Variants in TTC27 observed in about 807,000 individuals in gnomAD.
TTC27 encodes tetratricopeptide repeat domain 27.
Under a neutral mutation model 115.9 loss-of-function variants are expected in TTC27, and 79 were observed. That is an observed-to-expected ratio of 0.68 (90% CI 0.57 to 0.82). The LOEUF is 0.82. Ranked by LOEUF, TTC27 falls within the 40% of genes least tolerant of loss-of-function variation. The pLI, the probability that TTC27 is intolerant of heterozygous loss-of-function variation, is 0.00. For missense variants in TTC27, 1,054 were observed against 993.1 expected, an observed-to-expected ratio of 1.06 and a Z score of -0.82; for synonymous variants, 401 against 356.0, an observed-to-expected ratio of 1.13 and a Z score of -1.42.
chr2:32,628,891 G>A (rs1010830930), intron 1 of TTC27, among the ~76,000 whole-genome samples: 1 of 151,782 alleles, frequency 6.6e-6, no homozygotes, highest in South Asian at 2.1e-4. Flanking sequence ...CTCCAGGGTA[G>A]CTGGGATTAC....
chr2:32,764,609 T>A (rs1669561635), intron 13 of TTC27, among the ~76,000 whole-genome samples: 1 of 152,200 alleles, frequency 6.6e-6, no homozygotes, highest in Non-Finnish European at 1.5e-5. Context: ...ACAGTGAAGT[T>A]TGCTGCATAG....
intron 10 of TTC27, among the ~76,000 whole-genome samples, chr2:32,703,907 C>A (rs1667275520): frequency 1.3e-5 from 2 of 152,142 alleles, no homozygotes; most frequent in South Asian, 4.1e-4. Context: ...GCTGGAAAGT[C>A]TAAGATCAAG....
chr2:32,788,029 A>G (rs1177364975), intron 16 of TTC27, among the ~76,000 whole-genome samples: 1 of 152,168 alleles, frequency 6.6e-6, no homozygotes, highest in East Asian at 1.9e-4. Flanking sequence ...GGCACTGATG[A>G]GACTCTGAAC....
At chr2:32,805,306 A>G (rs998037968) in intron 16 of TTC27, among the ~76,000 whole-genome samples, 1 of 152,188 alleles carries the variant, frequency 6.6e-6, no homozygotes, top group African/African-American at 2.4e-5. Context: ...TATATGTAAG[A>G]GGTGTTATCT....
Position 32,673,535 on chromosome 2 carries a change from C to T in TTC27, c.1052+1151C>T, listed in dbSNP as rs942953182. ...AGCCACCACACCCGGCCACCTTATG[C>T]GTTTTTAGCTGGGATGTCAGAGAAA... On this transcript the variant is annotated intron_variant, in intron 8 of 19. Transcript: ENST00000317907. Among the ~76,000 whole-genome samples the T allele has an allele frequency of 3.9e-5, 6 of 152,158 alleles. No homozygotes were observed. In the South Asian group the frequency reaches 6.2e-4, roughly 16 times the overall value.
chr2:32,664,112 GA>G (rs1329547353), intron 5 of TTC27, among the ~76,000 whole-genome samples, 190 bp from the exon 6 acceptor site: 1 of 152,070 alleles, frequency 6.6e-6, no homozygotes, highest in Admixed American at 6.6e-5. Flanking sequence ...CTCATGTCTG[GA>G]GCATATAAGT....
chr2:32,782,856 A>G (rs1670226983), intron 15 of TTC27, among the ~76,000 whole-genome samples, 178 bp downstream of exon 15: 1 of 152,204 alleles, frequency 6.6e-6, no homozygotes. Flanking sequence ...AATTCTAAAT[A>G]TACAGTTTAT....
chr2:32,673,517 A>G (rs1666088577), intron 8 of TTC27, among the ~76,000 whole-genome samples: 1 of 152,018 alleles, frequency 6.6e-6, no homozygotes, highest in South Asian at 2.1e-4. Context: ...ATGAGCCACC[A>G]CACCCGGCCA....
intron 9 of TTC27, among the ~76,000 whole-genome samples, chr2:32,684,060 A>T (rs1572512670): frequency 2.0e-5 from 3 of 152,266 alleles, no homozygotes; most frequent in African/African-American, 7.2e-5. Context: ...CAGGAGGCTG[A>T]TGCAGGATAA....
intron 12 of TTC27, among the ~76,000 whole-genome samples, chr2:32,741,508 C>A (rs1219049552): frequency 6.6e-6 from 1 of 151,822 alleles, no homozygotes; most frequent in African/African-American, 2.4e-5. Flanking sequence ...AAAAATTAAC[C>A]GGACGTGGTG....
intron 8 of TTC27, among the ~76,000 whole-genome samples, chr2:32,674,852 T>C (rs114126890): frequency 0.01 from 1,537 of 152,084 alleles, 15 homozygotes; most frequent in Middle Eastern, 0.027. Flanking sequence ...TTGGTAGATA[T>C]GGGGTTTCAC....
At chr2:32,649,638 A>G (rs1180177457) in intron 4 of TTC27, among the ~76,000 whole-genome samples, 1 of 150,066 alleles carries the variant, frequency 6.7e-6, no homozygotes, top group Non-Finnish European at 1.5e-5. Flanking sequence ...TCTGCCTCCC[A>G]GGTTTAAGCA....
intron 1 of TTC27, among the ~76,000 whole-genome samples, chr2:32,629,771 A>G (rs2151856682): frequency 6.6e-6 from 1 of 152,298 alleles, no homozygotes; most frequent in Middle Eastern, 3.4e-3. Flanking sequence ...GTGAGCAATG[A>G]ATATTTACCA....
At chr2:32,667,414 C>CT (rs58456949) in intron 7 of TTC27, among the ~76,000 whole-genome samples, 5,076 of 127,002 alleles carry the variant, frequency 0.04, 182 homozygotes, top group East Asian at 0.065. Context: ...CCCCCAACTA[C>CT]TTTTTTTTTT....
intron 16 of TTC27, among the ~76,000 whole-genome samples, chr2:32,792,456 C>A (rs1434999306): frequency 6.6e-6 from 1 of 152,092 alleles, no homozygotes; most frequent in Non-Finnish European, 1.5e-5. Context: ...TAACCTAAAG[C>A]CCTTTCCACA....
At chr2:32,637,477 G>T (rs544286234) in intron 3 of TTC27, among the ~76,000 whole-genome samples, 4 of 151,856 alleles carry the variant, frequency 2.6e-5, no homozygotes. Context: ...GACTACAGGC[G>T]CCCGCCACCG....
At chr2:32,682,725 A>G (rs1035504871) in intron 9 of TTC27, among the ~76,000 whole-genome samples, 1 of 149,030 alleles carries the variant, frequency 6.7e-6, no homozygotes, top group Non-Finnish European at 1.5e-5. Context: ...CTGGAATGCA[A>G]TGGCGCGATC....
chr2:32,682,008 G>T (rs1666446639), intron 9 of TTC27, among the ~76,000 whole-genome samples: 1 of 150,006 alleles, frequency 6.7e-6, no homozygotes, highest in Non-Finnish European at 1.5e-5. Flanking sequence ...GTGTGTGTGT[G>T]TGTGTGTGTG....
At chr2:32,708,366 C>T (rs1273916156) in intron 10 of TTC27, among the ~76,000 whole-genome samples, 1 of 120,522 alleles carries the variant, frequency 8.3e-6, no homozygotes, top group Non-Finnish European at 1.6e-5. Context: ...GGCTGGAGTA[C>T]AGTGGCACAA....
Sources: allele counts gnomAD v4.1 joint callset (sites outside exome capture counted in the v4.1 genomes callset), GRCh38; gene constraint gnomAD v4.1.1; transcripts MANE v1.5; gene names NCBI Gene and HGNC (gene_info 2026-07-23, HGNC 2026-07-21).